Variants in ABCA13 observed in about 807,000 individuals in gnomAD.
ABCA13 encodes the protein ATP-binding cassette sub-family A member 13.
ABCA13 carries 476 observed loss-of-function variants against 478.7 expected under a neutral mutation model. The ratio of observed to expected loss-of-function variants is 0.99; its 90% confidence interval spans 0.92 to 1.07. The LOEUF (loss-of-function observed/expected upper bound fraction) is 1.07. Ranked by LOEUF, ABCA13 falls within the 50% of genes least tolerant of loss-of-function variation. The pLI, the probability that ABCA13 is intolerant of heterozygous loss-of-function variation, is 0.00. For synonymous variants in ABCA13, 2,252 were observed against 2,158.9 expected (o/e 1.04, Z -1.20); for missense variants, 6,060 against 5,910.6 (o/e 1.03, Z -0.83).
At chr7:48,520,428 T>C (rs918153920) in intron 53 of ABCA13, 134 bp downstream of exon 53, 10 of 1,054,556 alleles carry the variant, frequency 9.5e-6, no homozygotes, top group Non-Finnish European at 5.0e-6. Context: ...TGCGTTAAGA[T>C]TTTATTATTT....
chr7:48,329,355 T>G (rs1804839364), intron 27 of ABCA13, among the ~76,000 whole-genome samples: 1 of 152,146 alleles, frequency 6.6e-6, no homozygotes, highest in African/African-American at 2.4e-5. Context: ...AGGAAGTCTT[T>G]TAAGCTAGTT....
intron 31 of ABCA13, among the ~76,000 whole-genome samples, chr7:48,355,195 T>G (rs907932584): frequency 6.6e-6 from 1 of 151,738 alleles, no homozygotes; most frequent in Non-Finnish European, 1.5e-5. Context: ...ATGAGCAGGG[T>G]CAGGGACACT....
chr7:48,468,311 C>T (rs187523547), intron 44 of ABCA13, among the ~76,000 whole-genome samples: 4 of 152,330 alleles, frequency 2.6e-5, no homozygotes, highest in African/African-American at 9.6e-5. Flanking sequence ...CCATGAGCTC[C>T]TGCCCTCCAG....
chr7:48,343,756 A>G (rs1310839475), intron 29 of ABCA13, among the ~76,000 whole-genome samples: 1 of 152,018 alleles, frequency 6.6e-6, no homozygotes, highest in Non-Finnish European at 1.5e-5. Context: ...AAGTCTTTAT[A>G]TAGATTTTTT....
intron 31 of ABCA13, among the ~76,000 whole-genome samples, chr7:48,353,439 G>C (rs922344269): frequency 1.3e-5 from 2 of 151,574 alleles, no homozygotes; most frequent in Admixed American, 6.6e-5. Flanking sequence ...CTGAACATGA[G>C]GCTACTGAAG....
intron 34 of ABCA13, among the ~76,000 whole-genome samples, chr7:48,375,615 T>TG (rs200136094): frequency 0.012 from 1,819 of 150,472 alleles, 15 homozygotes; most frequent in African/African-American, 0.025. Context: ...TGGTTTTTTT[T>TG]GGGGGGGGGT....
At chr7:48,584,080 A>G (rs1055208583) in intron 56 of ABCA13, among the ~76,000 whole-genome samples, 17 of 152,188 alleles carry the variant, frequency 1.1e-4, no homozygotes, top group African/African-American at 4.1e-4. Flanking sequence ...TCTCAGGTGC[A>G]TTTCTCCAGA....
At chr7:48,434,658 C>A (rs1181884463) in intron 42 of ABCA13, among the ~76,000 whole-genome samples, 2 of 151,754 alleles carry the variant, frequency 1.3e-5, no homozygotes, top group Admixed American at 6.6e-5. Context: ...ACATTAAGGT[C>A]TTTGATTTAT....
chr7:48,628,361 C>G (rs1046227753), intron 59 of ABCA13, among the ~76,000 whole-genome samples: 28 of 152,218 alleles, frequency 1.8e-4, no homozygotes, highest in African/African-American at 6.8e-4. Context: ...AGGGACATCC[C>G]TGATTCTTCC....
intron 56 of ABCA13, among the ~76,000 whole-genome samples, chr7:48,582,431 G>A (rs1369804027): frequency 2.0e-5 from 3 of 152,146 alleles, no homozygotes; most frequent in Non-Finnish European, 4.4e-5. Context: ...TCTGGAGTTG[G>A]ACTCAACATG....
At chr7:48,280,461 G>A (rs550444743) in intron 18 of ABCA13, among the ~76,000 whole-genome samples, 127 of 152,278 alleles carry the variant, frequency 8.3e-4, no homozygotes, top group Middle Eastern at 3.4e-3. Context: ...GTTCTTAAAA[G>A]CTCCAGTCTT....
At chr7:48,178,700 A>C (rs908390218) in intron 1 of ABCA13, among the ~76,000 whole-genome samples, 1 of 151,434 alleles carries the variant, frequency 6.6e-6, no homozygotes, top group Non-Finnish European at 1.5e-5. Context: ...GTAAAATAAA[A>C]TAAAATAAAA....
intron 38 of ABCA13, among the ~76,000 whole-genome samples, chr7:48,396,607 G>T (rs561146393): frequency 6.6e-6 from 1 of 152,180 alleles, no homozygotes; most frequent in Non-Finnish European, 1.5e-5. Context: ...CCCACTAGGC[G>T]GAGAGAGGGC....
chr7:48,245,850 A>G lies in ABCA13; in HGVS notation c.1492-13A>G, dbSNP rs2128677741. 1 of 1,606,448 alleles carries G rather than the reference A, an allele frequency of 6.2e-7. No homozygotes were observed. Among genetic ancestry groups the G allele is most frequent in the Non-Finnish European group, 8.5e-7 (1 of 1,176,040 alleles). ...TTAAATGTTACTCCTTCCCACTCTT[A>G]TTAATCTTTTAGATGTTGGCGAAGA... On this transcript the variant is annotated splice_polypyrimidine_tract_variant and intron_variant, in intron 12 of 61. Coordinates refer to ENST00000435803, the MANE Select transcript of ABCA13 (RefSeq NM_152701.5).
chr7:48,183,305 A>G (rs1328404149), intron 1 of ABCA13, among the ~76,000 whole-genome samples: 1 of 152,172 alleles, frequency 6.6e-6, no homozygotes, highest in Non-Finnish European at 1.5e-5. Context: ...ATATATTTAG[A>G]CTCAATCTGG....
At chr7:48,330,177 C>A (rs1031141821) in intron 27 of ABCA13, among the ~76,000 whole-genome samples, 1 of 151,696 alleles carries the variant, frequency 6.6e-6, no homozygotes, top group Admixed American at 6.6e-5. Context: ...GTCTGTCCAT[C>A]CATCCGTCCA....
At chr7:48,200,570 G>A (rs1798535122) in intron 3 of ABCA13, among the ~76,000 whole-genome samples, 1 of 152,144 alleles carries the variant, frequency 6.6e-6, no homozygotes, top group African/African-American at 2.4e-5. Context: ...TTAACTTTGA[G>A]AACGAAGAAT....
chr7:48,314,474 A>T (rs17712567), intron 26 of ABCA13, 65 bp downstream of exon 26: 189,569 of 1,370,832 alleles, frequency 0.14, 13,684 homozygotes, highest in East Asian at 0.18. Context: ...TTGGCCTTAA[A>T]TTATAGTAAG....
intron 23 of ABCA13, among the ~76,000 whole-genome samples, chr7:48,304,394 C>T (rs1263409732): frequency 1.3e-5 from 2 of 152,164 alleles, no homozygotes; most frequent in Non-Finnish European, 2.9e-5. Flanking sequence ...TTGAGAAATC[C>T]CCACACTGCT....
Sources: allele counts gnomAD v4.1 joint callset (sites outside exome capture counted in the v4.1 genomes callset), GRCh38; gene constraint gnomAD v4.1.1; transcripts MANE v1.5; gene names NCBI Gene and HGNC (gene_info 2026-07-23, HGNC 2026-07-21).